PKD1L3: variants seen among roughly 807,000 people sequenced by gnomAD.
PKD1L3 encodes polycystin 1 like 3, transient receptor potential channel interacting.
A neutral mutation model predicts 184.1 loss-of-function variants in PKD1L3; 239 were observed. The ratio of observed to expected loss-of-function variants is 1.30; its 90% CI spans 1.17 to 1.45. The LOEUF (loss-of-function observed/expected upper bound fraction) is 1.45. Among genes scored for constraint, PKD1L3 ranks in the 40% most tolerant of loss-of-function variants. The probability of loss-of-function intolerance (pLI) is 0.00; values close to 1 mark genes in which losing one functional copy is unlikely to be tolerated. For synonymous variants in PKD1L3, 996 were observed against 778.8 expected (o/e 1.28, Z -4.64); for missense variants, 2,660 against 2,067.2 (o/e 1.29, Z -5.56).
intron 1 of PKD1L3, among the ~76,000 whole-genome samples, chr16:71,999,266 A>G (rs1192475397): frequency 2.1e-4 from 29 of 136,094 alleles, no homozygotes; most frequent in East Asian, 2.7e-4. Flanking sequence ...GCGAGACTCC[A>G]TCTCAAAAAA....
chr16:71,956,273 A>T (rs1392044030), intron 16 of PKD1L3, among the ~76,000 whole-genome samples: 4 of 137,878 alleles, frequency 2.9e-5, no homozygotes, highest in Non-Finnish European at 4.5e-5. Flanking sequence ...GGCTCACTGC[A>T]ACCTTCACCT....
intron 16 of PKD1L3, among the ~76,000 whole-genome samples, chr16:71,957,707 C>G (rs12708920): frequency 0.47 from 70,796 of 151,952 alleles, 17,195 homozygotes; most frequent in Middle Eastern, 0.57. Context: ...TAAGGCAGGA[C>G]AATTGCTTGA....
intron 11 of PKD1L3, among the ~76,000 whole-genome samples, chr16:71,974,213 CG>C (rs2039833733): frequency 6.6e-6 from 1 of 152,100 alleles, no homozygotes; most frequent in Non-Finnish European, 1.5e-5. Context: ...CGCTAGGGAC[CG>C]GAGGTCGGGC....
intron 6 of PKD1L3, among the ~76,000 whole-genome samples, chr16:71,982,443 G>A (rs1417941541): frequency 1.3e-5 from 2 of 151,810 alleles, no homozygotes; most frequent in African/African-American, 2.4e-5. Context: ...GAGCCACCAT[G>A]CTCAACTAAT....
At chr16:71,962,426 T>C (rs1476703249) in intron 16 of PKD1L3, among the ~76,000 whole-genome samples, 3 of 152,222 alleles carry the variant, frequency 2.0e-5, no homozygotes, top group Admixed American at 2.0e-4. Context: ...TTGATACGTA[T>C]ATTATACCGT....
Position 71,978,380 on chromosome 16 carries a change from T to C in PKD1L3, c.1402A>G (p.Thr468Ala). 1 of 1,547,972 alleles carries C rather than the reference T, an allele frequency of 6.5e-7. No homozygotes were observed. Among genetic ancestry groups the C allele is most frequent in the Non-Finnish European group, 8.7e-7 (1 of 1,144,784 alleles). ...TTGAAGGGATTGAAAGCTAGTCCTGTTATCTAAAGACAAAGAGAAGCCCAG... is the reference window on the plus strand; with the variant it reads ...TTGAAGGGATTGAAAGCTAGTCCTGCTATCTAAAGACAAAGAGAAGCCCAG... ...NKHPGVNVQI[T>A]GLAFNPFKDL... The change falls in exon 10 of 30, where the codon ACA (threonine) becomes GCA (alanine). Residue 468 changes from threonine to alanine, a missense_variant. Physicochemically the swap from Thr to Ala is moderately conservative, Grantham distance 58. Coordinates refer to ENST00000620267, the MANE Select transcript of PKD1L3 (RefSeq NM_181536.2).
intron 11 of PKD1L3, among the ~76,000 whole-genome samples, chr16:71,975,623 A>G (rs2039889531): frequency 6.6e-6 from 1 of 152,194 alleles, no homozygotes; most frequent in Non-Finnish European, 1.5e-5. Flanking sequence ...AAAATCTTCA[A>G]CCATACAAAG....
In PKD1L3 at chr16:71,999,722, AC is replaced by A. The variant is rs111765058; in HGVS notation, c.256del (p.Val86Ter). 3.2e-3 allele frequency: 4,918 copies of A among 1,550,978 alleles called. 118 individuals are homozygous for A. In the African/African-American group the frequency reaches 0.052, roughly 16 times the overall value. On this transcript the variant is annotated frameshift_variant, in exon 1 of 30. Transcript: ENST00000620267. LOFTEE classifies it high-confidence loss of function. ...EGKKWWIGQNVMPLKKHQDNK... is the reference protein window; with the variant it reads ...EGKKWWIGQNXMPLKKHQDNK... ...GTCTTGATGCTTTTTCAATGGCATTACATTTTGCCCAATCCACCACTTCTTT... is the reference window on the plus strand; with the variant it reads ...GTCTTGATGCTTTTTCAATGGCATTAATTTTGCCCAATCCACCACTTCTTT...
At chr16:71,943,375 T>C (rs1378958339) in intron 23 of PKD1L3, among the ~76,000 whole-genome samples, 3 of 151,406 alleles carry the variant, frequency 2.0e-5, no homozygotes, top group African/African-American at 7.3e-5. Flanking sequence ...CCCCATCTAC[T>C]AGAAATACAA....
chr16:71,975,217 G>C (rs1316177253), intron 11 of PKD1L3, among the ~76,000 whole-genome samples: 1 of 118,472 alleles, frequency 8.4e-6, no homozygotes, highest in Non-Finnish European at 1.8e-5. Context: ...CACCACGCTC[G>C]GCTAATTTTT....
chr16:71,978,213 T>C (rs755932822), intron 10 of PKD1L3, 42 bp downstream of exon 10: 34 of 1,528,910 alleles, frequency 2.2e-5, no homozygotes, highest in Middle Eastern at 3.4e-4. Context: ...TTGCAGAATA[T>C]CCCATTCTCT....
rs71153681 is a variant in PKD1L3 at position 71,932,780 on chromosome 16, C to CTT, written c.4926+638_4926+639dup. Among the ~76,000 whole-genome samples the CTT allele has an allele frequency of 2.8e-3, 273 of 97,066 alleles. 1 individual carries two copies. Among genetic ancestry groups the CTT allele is most frequent in the African/African-American group, 0.01 (228 of 22,700 alleles). The allele number at this position is 97,066 out of a possible 152,430, so 63.7% of individuals were successfully genotyped here. On this transcript the variant is annotated intron_variant, in intron 28 of 29. Coordinates refer to ENST00000620267, the MANE Select transcript of PKD1L3 (RefSeq NM_181536.2). The stretch of plus-strand genomic sequence containing the variant: ...ATAGGCATGAGCCACCGCACCTGGC[C>CTT]TTTTTTTTTTTTTTTTTTTTTTTTT...
intron 13 of PKD1L3, among the ~76,000 whole-genome samples, chr16:71,969,430 C>T (rs2039625728): frequency 6.7e-6 from 1 of 150,020 alleles, no homozygotes; most frequent in African/African-American, 2.5e-5. Context: ...CTCAGCTGCC[C>T]AAGTAGCTGG....
At chr16:71,936,508 C>CTTT (rs1212505095) in intron 25 of PKD1L3, among the ~76,000 whole-genome samples, 1 of 135,588 alleles carries the variant, frequency 7.4e-6, no homozygotes, top group Admixed American at 7.5e-5. Context: ...TGGCCAATCA[C>CTTT]TTTTTTTTTT....
In PKD1L3 at chr16:71,993,235, T is replaced by G. The variant is rs1301820641; in HGVS notation, c.516A>C (p.Ala172=). 4.3e-5 allele frequency: 67 copies of G among 1,548,898 alleles called. No homozygotes were observed. Among genetic ancestry groups the G allele is most frequent in the Non-Finnish European group, 4.4e-6 (5 of 1,145,578 alleles). The part of the protein sequence containing the change: ...HKKTKRGVAI[A]RDKMPPGPGH... ...CATTACCTGGGGGCATTTTGTCTCT[T>G]GCTATTGCAACTCCTCTTTTTGTCT... The change falls in exon 3 of 30, where the codon GCA becomes GCC. Residue 172 remains alanine (A), a synonymous_variant. Transcript: ENST00000620267.
intron 6 of PKD1L3, among the ~76,000 whole-genome samples, chr16:71,982,589 A>G (rs2040203980): frequency 6.7e-6 from 1 of 150,268 alleles, no homozygotes; most frequent in Admixed American, 6.6e-5. Flanking sequence ...CCAGCCTATG[A>G]TTGCTTTTTA....
intron 3 of PKD1L3, among the ~76,000 whole-genome samples, chr16:71,990,908 A>G (rs1471852749): frequency 6.6e-6 from 1 of 152,226 alleles, no homozygotes; most frequent in Non-Finnish European, 1.5e-5. Flanking sequence ...TACATCCTTA[A>G]TAAGAACATC....
chr16:71,965,358 C>T (rs948205830), intron 15 of PKD1L3, among the ~76,000 whole-genome samples: 2 of 152,108 alleles, frequency 1.3e-5, no homozygotes, highest in African/African-American at 4.8e-5. Flanking sequence ...ACAGGTCTTG[C>T]AGTGGACACA....
intron 12 of PKD1L3, among the ~76,000 whole-genome samples, chr16:71,971,855 C>G (rs1249880148): frequency 6.6e-6 from 1 of 152,140 alleles, no homozygotes; most frequent in Non-Finnish European, 1.5e-5. Context: ...CCAAGGCGGG[C>G]AGATCACCTG....
Sources: gnomAD v4.1 joint callset for allele counts (sites outside exome capture counted in the v4.1 genomes callset) on GRCh38, gnomAD v4.1.1 for gene constraint, MANE v1.5 for transcripts, NCBI Gene and HGNC (gene_info 2026-07-23, HGNC 2026-07-21) for gene names.